The following PPP1R12A variants were observed in gnomAD, a reference collection of about 807,000 sequenced individuals.
PPP1R12A encodes myosin binding subunit.
Under a neutral mutation model 139.6 loss-of-function variants are expected in PPP1R12A, and 19 were observed. The observed-to-expected ratio is 0.14, with a 90% CI of 0.09 to 0.20. PPP1R12A has a LOEUF of 0.20. Among genes scored for constraint, PPP1R12A ranks in the 10% least tolerant of loss-of-function variants. The pLI is 1.00. For synonymous variants in PPP1R12A, 427 were observed against 420.6 expected (o/e 1.02, Z -0.19); for missense variants, 925 against 1,211.5 (o/e 0.76, Z 3.51).
intron 2 of PPP1R12A, among the ~76,000 whole-genome samples, chr12:79,846,126 T>TA (rs1171220136): frequency 7.3e-5 from 10 of 136,308 alleles, no homozygotes; most frequent in African/African-American, 3.1e-4. Flanking sequence ...AATTAGCTAT[T>TA]AAACCCACCA....
intron 1 of PPP1R12A, among the ~76,000 whole-genome samples, chr12:79,885,163 T>C (rs1053344332): frequency 1.3e-5 from 2 of 152,144 alleles, no homozygotes; most frequent in Non-Finnish European, 2.9e-5. Flanking sequence ...AGAGCCAGAC[T>C]GTCTGGAATT....
intron 3 of PPP1R12A, among the ~76,000 whole-genome samples, chr12:79,837,484 A>G (rs1378725126): frequency 6.6e-6 from 1 of 152,188 alleles, no homozygotes; most frequent in Non-Finnish European, 1.5e-5. Context: ...AAAACTTAAA[A>G]ATATTAAACA....
chr12:79,916,321 C>T (rs1886992234), intron 1 of PPP1R12A, among the ~76,000 whole-genome samples: 1 of 152,154 alleles, frequency 6.6e-6, no homozygotes, highest in African/African-American at 2.4e-5. Flanking sequence ...ACAAAATTCA[C>T]GTAACTATGG....
chr12:79,790,799 G>A (rs1871748160), intron 19 of PPP1R12A, among the ~76,000 whole-genome samples: 1 of 152,110 alleles, frequency 6.6e-6, no homozygotes, highest in Non-Finnish European at 1.5e-5. Flanking sequence ...CTTACTGGGG[G>A]CCAAAGTAGT....
At chr12:79,794,123 T>C (rs1872217859) in intron 18 of PPP1R12A, among the ~76,000 whole-genome samples, 195 bp from the exon 19 acceptor site, 1 of 151,954 alleles carries the variant, frequency 6.6e-6, no homozygotes, top group Non-Finnish European at 1.5e-5. Context: ...GCTGAAAAAA[T>C]GAATACTGGG....
intron 3 of PPP1R12A, 69 bp from the exon 4 acceptor site, chr12:79,832,560 C>T: frequency 7.3e-7 from 1 of 1,376,894 alleles, no homozygotes; most frequent in Non-Finnish European, 9.7e-7. Context: ...ATAAAACTAT[C>T]CAAAACATGT....
intron 8 of PPP1R12A, among the ~76,000 whole-genome samples, chr12:79,819,845 G>C (rs1342975352): frequency 6.6e-6 from 1 of 151,872 alleles, no homozygotes; most frequent in Non-Finnish European, 1.5e-5. Flanking sequence ...AGCTGAGGAG[G>C]ATCACTTGAA....
At chr12:79,847,045 A>C (rs1263347416) in intron 2 of PPP1R12A, among the ~76,000 whole-genome samples, 1 of 152,172 alleles carries the variant, frequency 6.6e-6, no homozygotes, top group Non-Finnish European at 1.5e-5. Flanking sequence ...TAAAAAAAGT[A>C]CACGTCCACA....
intron 1 of PPP1R12A, among the ~76,000 whole-genome samples, chr12:79,879,225 C>G (rs1883397746): frequency 6.6e-6 from 1 of 151,984 alleles, no homozygotes; most frequent in Admixed American, 6.6e-5. Flanking sequence ...ACTAAAAATA[C>G]AAAAATTAGC....
At chr12:79,892,016 A>C (rs1315244748) in intron 1 of PPP1R12A, among the ~76,000 whole-genome samples, 1 of 152,188 alleles carries the variant, frequency 6.6e-6, no homozygotes, top group Non-Finnish European at 1.5e-5. Flanking sequence ...GTGTGAGCTA[A>C]TGTTTGGTAT....
chr12:79,845,487 C>T, intron 2 of PPP1R12A, 67 bp from the exon 3 acceptor site: 1 of 1,152,262 alleles, frequency 8.7e-7, no homozygotes, highest in Non-Finnish European at 1.3e-6. Context: ...AAATGCATAA[C>T]CAATGAGGAA....
chr12:79,796,269 T>C (rs145303904), intron 17 of PPP1R12A, among the ~76,000 whole-genome samples: 38 of 152,244 alleles, frequency 2.5e-4, no homozygotes, highest in African/African-American at 8.7e-4. Flanking sequence ...AGAAAGTTTA[T>C]ATAAAATAAT....
intron 1 of PPP1R12A, among the ~76,000 whole-genome samples, chr12:79,895,021 C>T (rs933548126): frequency 5.9e-5 from 9 of 152,134 alleles, no homozygotes; most frequent in Non-Finnish European, 1.2e-4. Context: ...GGACTTCTCC[C>T]TAGTAAAATA....
chr12:79,914,891 TA>T (rs1320576117), intron 1 of PPP1R12A, among the ~76,000 whole-genome samples: 1 of 151,910 alleles, frequency 6.6e-6, no homozygotes, highest in Non-Finnish European at 1.5e-5. Flanking sequence ...TTAGAAACAA[TA>T]ATGAGAAACT....
intron 8 of PPP1R12A, chr12:79,818,725 A>G (rs1875714673): frequency 6.6e-6 from 1 of 152,232 alleles, no homozygotes; most frequent in African/African-American, 2.4e-5. Context: ...ACTAAAACTT[A>G]TGGTTGCACT....
intron 2 of PPP1R12A, among the ~76,000 whole-genome samples, chr12:79,856,871 A>C (rs1158007175): frequency 6.6e-6 from 1 of 152,248 alleles, no homozygotes; most frequent in Non-Finnish European, 1.5e-5. Context: ...AGCTTAGCAG[A>C]AGTGGCCTAT....
Position 79,775,266 on chromosome 12 carries a change from C to CACAA in PPP1R12A, c.*659_*662dup, listed in dbSNP as rs1338486726. 6.6e-6 allele frequency: 1 copy of CACAA among 152,448 alleles called. No homozygotes were observed. Among genetic ancestry groups the CACAA allele is most frequent in the Non-Finnish European group, 1.5e-5 (1 of 67,960 alleles). 9.4% of individuals were successfully genotyped at this position (152,448 alleles called of 1,614,324 possible). A position where few individuals can be genotyped will look rare whatever the true frequency, so the allele number is the denominator to read the frequency against. On this transcript the variant is annotated 3_prime_UTR_variant, in exon 25 of 25. Transcript: ENST00000450142. Reference sequence around the variant, plus strand: ...TCATATAAGAAATAAATGCATATTGCACAAACAGTGAAAGCATATGTTCCA... The same window carrying CACAA: ...TCATATAAGAAATAAATGCATATTGCACAAACAAACAGTGAAAGCATATGTTCCA...
intron 1 of PPP1R12A, among the ~76,000 whole-genome samples, chr12:79,922,802 G>A (rs965767421): frequency 6.6e-6 from 1 of 152,134 alleles, no homozygotes; most frequent in Non-Finnish European, 1.5e-5. Context: ...GTATACCCAT[G>A]TAACACACCT....
chr12:79,794,307 ATGCACTCT>A (rs1229579226), intron 18 of PPP1R12A, among the ~76,000 whole-genome samples: 22 of 152,166 alleles, frequency 1.4e-4, no homozygotes, highest in African/African-American at 5.3e-4. Context: ...AAATAGACAT[ATGCACTCT>A]TGATTCATCA....
Sources: gnomAD v4.1 joint callset for allele counts (sites outside exome capture counted in the v4.1 genomes callset) on GRCh38, gnomAD v4.1.1 for gene constraint, MANE v1.5 for transcripts, NCBI Gene and HGNC (gene_info 2026-07-23, HGNC 2026-07-21) for gene names.